Variants in XYLT1 observed in about 807,000 individuals in gnomAD.
XYLT1 encodes xylosyltransferase 1.
Under a neutral mutation model 91.3 loss-of-function variants are expected in XYLT1, and 36 were observed. The ratio of observed to expected loss-of-function variants is 0.39; its 90% CI spans 0.30 to 0.52. XYLT1 has a LOEUF of 0.52. XYLT1 is among the 20% of genes least tolerant of loss of function. XYLT1 has a pLI of 0.68. For synonymous variants in XYLT1, 588 were observed against 532.0 expected, an observed-to-expected ratio of 1.11 and a Z score of -1.45; for missense variants, 1,242 against 1,284.5, an observed-to-expected ratio of 0.97 and a Z score of 0.51.
At chr16:17,291,718 G>T (rs937640414) in intron 2 of XYLT1, among the ~76,000 whole-genome samples, 1 of 152,160 alleles carries the variant, frequency 6.6e-6, no homozygotes, top group Non-Finnish European at 1.5e-5. Flanking sequence ...TATACAAAAA[G>T]ACCTGGAAAT....
chr16:17,339,936 A>G (rs909009746), intron 2 of XYLT1, among the ~76,000 whole-genome samples: 1 of 150,662 alleles, frequency 6.6e-6, no homozygotes, highest in Non-Finnish European at 1.5e-5. Flanking sequence ...TCCTCCATCC[A>G]TCATCTATCC....
At chr16:17,223,382 G>A (rs1194988231) in intron 3 of XYLT1, among the ~76,000 whole-genome samples, 1 of 152,250 alleles carries the variant, frequency 6.6e-6, no homozygotes, top group Non-Finnish European at 1.5e-5. Context: ...GAGTGGTTGA[G>A]GCTCTTGGTC....
At chr16:17,327,361 CTTTTTTT>C (rs138879762) in intron 2 of XYLT1, among the ~76,000 whole-genome samples, 222 of 108,080 alleles carry the variant, frequency 2.1e-3, no homozygotes, top group East Asian at 7.1e-3. Context: ...TTTCTTTTTT[CTTTTTTT>C]TTTTTTTTTT....
At chr16:17,269,153 C>T (rs1208817447) in intron 2 of XYLT1, among the ~76,000 whole-genome samples, 1 of 151,958 alleles carries the variant, frequency 6.6e-6, no homozygotes, top group Non-Finnish European at 1.5e-5. Flanking sequence ...GAAATGCTAA[C>T]GTTGTTTTTC....
At chr16:17,171,513 ACT>A (rs2141557051) in intron 5 of XYLT1, among the ~76,000 whole-genome samples, 1 of 152,242 alleles carries the variant, frequency 6.6e-6, no homozygotes, top group Non-Finnish European at 1.5e-5. Context: ...CGTCCAGTAG[ACT>A]CTTTACCCAC....
chr16:17,410,326 G>A (rs1199351316), intron 1 of XYLT1, among the ~76,000 whole-genome samples: 1 of 152,186 alleles, frequency 6.6e-6, no homozygotes, highest in African/African-American at 2.4e-5. Flanking sequence ...CCGAGACTGG[G>A]CAATTTACAA....
intron 3 of XYLT1, among the ~76,000 whole-genome samples, chr16:17,215,184 T>C (rs1488285336): frequency 1.3e-5 from 2 of 152,096 alleles, no homozygotes; most frequent in African/African-American, 2.4e-5. Context: ...GGTAAAAACT[T>C]GTCTCTATTA....
At chr16:17,291,009 A>G (rs1047966306) in intron 2 of XYLT1, among the ~76,000 whole-genome samples, 9 of 152,004 alleles carry the variant, frequency 5.9e-5, no homozygotes, top group African/African-American at 1.9e-4. Flanking sequence ...ATCATATCTC[A>G]CTGCATCCTC....
At chr16:17,192,606 C>T (rs2032338788) in intron 5 of XYLT1, among the ~76,000 whole-genome samples, 1 of 152,182 alleles carries the variant, frequency 6.6e-6, no homozygotes, top group Non-Finnish European at 1.5e-5. Flanking sequence ...CTTTCATCCA[C>T]GTGCTGGGTA....
chr16:17,385,129 C>A (rs913731092), intron 1 of XYLT1, among the ~76,000 whole-genome samples: 1 of 151,660 alleles, frequency 6.6e-6, no homozygotes, highest in African/African-American at 2.4e-5. Flanking sequence ...AGACATGATC[C>A]GATGAAGAGA....
At chr16:17,225,228 T>C (rs1222567107) in intron 3 of XYLT1, among the ~76,000 whole-genome samples, 2 of 152,106 alleles carry the variant, frequency 1.3e-5, no homozygotes, top group African/African-American at 4.8e-5. Context: ...ATTCTCATCA[T>C]GTTCTGAAAC....
chr16:17,465,799 G>T (rs1237359117), intron 1 of XYLT1, among the ~76,000 whole-genome samples: 3 of 152,108 alleles, frequency 2.0e-5, no homozygotes, highest in African/African-American at 7.2e-5. Context: ...TTCCTTTTAA[G>T]AACAGCTCAT....
intron 1 of XYLT1, among the ~76,000 whole-genome samples, chr16:17,424,623 A>C (rs1380441801): frequency 6.6e-6 from 1 of 152,022 alleles, no homozygotes; most frequent in African/African-American, 2.4e-5. Context: ...TGATCCCAGC[A>C]CTTTGGGAGG....
chr16:17,294,301 TCTCTCAGGCTGTTTCTAGGCTG>T (rs951460042), intron 2 of XYLT1, among the ~76,000 whole-genome samples: 2 of 152,156 alleles, frequency 1.3e-5, no homozygotes, highest in African/African-American at 4.8e-5. Context: ...GGACCAGGCA[TCTCTCAGGCTGTTTCTAGGCTG>T]CTCCACATGA....
At chr16:17,441,744 CTAAG>C (rs1465959957) in intron 1 of XYLT1, among the ~76,000 whole-genome samples, 1 of 152,130 alleles carries the variant, frequency 6.6e-6, no homozygotes, top group Non-Finnish European at 1.5e-5. Context: ...CTCAGCAACA[CTAAG>C]TGTCAGATAA....
At chr16:17,173,282 A>G (rs1166417380) in intron 5 of XYLT1, among the ~76,000 whole-genome samples, 1 of 152,242 alleles carries the variant, frequency 6.6e-6, no homozygotes, top group Non-Finnish European at 1.5e-5. Context: ...CCACGTACTC[A>G]TTCAGCAAAC....
chr16:17,303,203 AT>A (rs1303155893), intron 2 of XYLT1, among the ~76,000 whole-genome samples: 1 of 152,198 alleles, frequency 6.6e-6, no homozygotes, highest in Admixed American at 6.5e-5. Flanking sequence ...TGGAAATCAT[AT>A]TTAGTTCAGG....
chr16:17,461,460 A>G (rs1250199576), intron 1 of XYLT1, among the ~76,000 whole-genome samples: 1 of 152,200 alleles, frequency 6.6e-6, no homozygotes, highest in Non-Finnish European at 1.5e-5. Context: ...CCTGTTCACC[A>G]AGGTGGTTCC....
At chr16:17,133,950 A>G (rs1304206638) in intron 9 of XYLT1, among the ~76,000 whole-genome samples, 1 of 152,226 alleles carries the variant, frequency 6.6e-6, no homozygotes, top group Non-Finnish European at 1.5e-5. Context: ...GAGATACATT[A>G]TTAAAATATT....
Sources: gnomAD v4.1 joint callset for allele counts (sites outside exome capture counted in the v4.1 genomes callset) on GRCh38, gnomAD v4.1.1 for gene constraint, MANE v1.5 for transcripts, NCBI Gene and HGNC (gene_info 2026-07-23, HGNC 2026-07-21) for gene names.